MYO7A: variants seen among roughly 807,000 people sequenced by gnomAD.
MYO7A encodes the protein myosin VIIA.
In MYO7A, 210 loss-of-function variants were observed where a neutral mutation model predicts 263.8. The ratio of observed to expected loss-of-function variants is 0.80; its 90% CI spans 0.71 to 0.89. MYO7A has a LOEUF of 0.89. Ranked by LOEUF, MYO7A falls within the 40% of genes least tolerant of loss-of-function variation. The pLI is 0.00. For synonymous variants in MYO7A, 1,239 were observed against 1,197.3 expected, an observed-to-expected ratio of 1.03 and a Z score of -0.72; for missense variants, 2,820 against 2,968.3, an observed-to-expected ratio of 0.95 and a Z score of 1.16.
intron 17 of MYO7A, 117 bp from the exon 18 acceptor site, chr11:77,175,255 A>T: frequency 1.1e-6 from 1 of 935,864 alleles, no homozygotes; most frequent in Non-Finnish European, 1.6e-6. Flanking sequence ...CTGAGGTCAC[A>T]CTTCGAGTCA....
chr11:77,179,078 A>G lies in MYO7A; in HGVS notation c.2316A>G (p.Thr772=), dbSNP rs369466539. ...SNFLKLKNAA[T]LIQRHWRGHN... is the part of the protein sequence containing the mutation. ...TTCTGAAGCTGAAGAACGCTGCCAC[A>G]CTGATCCAGAGGCACTGGCGGGGTC... Residue 772 remains threonine, a synonymous_variant, in exon 20 of 49, where the codon ACA becomes ACG. Transcript: ENST00000409709. 139 of 1,609,268 alleles carry G rather than the reference A, an allele frequency of 8.6e-5. No homozygotes were observed. Among genetic ancestry groups the G allele is most frequent in the Non-Finnish European group, 1.1e-4 (129 of 1,178,468 alleles).
At chr11:77,179,539 GT>G (rs1954983470) in intron 20 of MYO7A, among the ~76,000 whole-genome samples, 195 bp from the exon 21 acceptor site, 2 of 152,212 alleles carry the variant, frequency 1.3e-5, no homozygotes, top group Admixed American at 1.3e-4. Context: ...GAGAGTCAAG[GT>G]CACCTAAAAA....
At chr11:77,157,486 C>A in intron 8 of MYO7A, 94 bp downstream of exon 8, 1 of 818,342 alleles carries the variant, frequency 1.2e-6, no homozygotes, top group South Asian at 1.7e-5. Context: ...TCTCACTGGT[C>A]ACAGGGCTCA....
Position 77,138,698 on chromosome 11 carries a change from A to G in MYO7A, c.19-4011A>G, listed in dbSNP as rs529971581. On this transcript the variant is annotated intron_variant, in intron 2 of 48. Transcript: ENST00000409709. This position sits in a 1 kb window ranked among gnomAD's most constrained non-coding sequence, Gnocchi z 4.9. ...GTGTCCTGCATTTGCTGAGATCCAG[A>G]GCAGGGAGCACCTCCAGGTGCACAG... Among the ~76,000 whole-genome samples the G allele has an allele frequency of 1.1e-4, 16 of 152,286 alleles. No individual in the cohort carries two copies. The highest frequency in any genetic ancestry group is 1.6e-4 in the Non-Finnish European group (11 of 68,000).
intron 18 of MYO7A, among the ~76,000 whole-genome samples, chr11:77,175,800 T>G (rs1954604731): frequency 1.3e-5 from 2 of 152,170 alleles, no homozygotes; most frequent in Admixed American, 6.5e-5. Context: ...CATCTGTAAA[T>G]TGGGGTGTGC....
chr11:77,207,170 C>A, intron 41 of MYO7A, 119 bp from the exon 42 acceptor site: 1 of 652,846 alleles, frequency 1.5e-6, no homozygotes, highest in South Asian at 1.9e-5. Context: ...GCTCTGTGCC[C>A]ACAGGAGGGT....
At chr11:77,212,720 G>T in intron 46 of MYO7A, 1 of 587,052 alleles carries the variant, frequency 1.7e-6, no homozygotes. Flanking sequence ...GAGGCCCTTG[G>T]GCTGAGAGGG....
At chr11:77,163,995 C>G (rs1187775825) in intron 14 of MYO7A, among the ~76,000 whole-genome samples, 1 of 152,138 alleles carries the variant, frequency 6.6e-6, no homozygotes, top group African/African-American at 2.4e-5. Context: ...GGGGGCTTGA[C>G]TGTCCTTACC....
At chr11:77,159,412 C>A in intron 9 of MYO7A, 35 bp from the exon 10 acceptor site, 3 of 1,202,716 alleles carry the variant, frequency 2.5e-6, no homozygotes, top group Non-Finnish European at 3.7e-6. Context: ...TGCCCACCCT[C>A]CCTCCCCTGA....
At chr11:77,157,617 C>T (rs967086799) in intron 8 of MYO7A, among the ~76,000 whole-genome samples, 2 of 152,112 alleles carry the variant, frequency 1.3e-5, no homozygotes, top group Non-Finnish European at 2.9e-5. Flanking sequence ...GCTTGGGAAG[C>T]ACCACTCCTT....
chr11:77,201,443 T>C lies in MYO7A; in HGVS notation c.4853-5T>C. The C allele has an allele frequency of 6.2e-7, 1 of 1,612,882 alleles. No individual in the cohort carries two copies. ...CCCATGGTCCCACTCACCTCTGCTCTACAGCAGGCGAGGAGTCAGGCTTCC... is the reference window on the plus strand; with the variant it reads ...CCCATGGTCCCACTCACCTCTGCTCCACAGCAGGCGAGGAGTCAGGCTTCC... On this transcript the variant is annotated splice_polypyrimidine_tract_variant and splice_region_variant and intron_variant, in intron 35 of 48. Coordinates refer to ENST00000409709, the MANE Select transcript of MYO7A (RefSeq NM_000260.4).
chr11:77,152,148 G>A (rs930751448), intron 4 of MYO7A, among the ~76,000 whole-genome samples: 1 of 152,256 alleles, frequency 6.6e-6, no homozygotes, highest in Non-Finnish European at 1.5e-5. Context: ...CCTCACCGAG[G>A]AAAGAGGCCT....
intron 20 of MYO7A, among the ~76,000 whole-genome samples, 184 bp downstream of exon 20, chr11:77,179,313 C>A (rs1954952246): frequency 6.6e-6 from 1 of 152,248 alleles, no homozygotes; most frequent in Admixed American, 6.5e-5. Flanking sequence ...GTGGCTTCTT[C>A]CAACTGGCCA....
rs797044511 is a variant in MYO7A, at chr11:77,160,980, A to T, written c.1208A>T (p.Tyr403Phe). The change falls in exon 12 of 49, where the codon TAC (tyrosine) becomes TTC (phenylalanine). Residue 403 changes from tyrosine to phenylalanine, a missense_variant. Coordinates refer to ENST00000409709, the MANE Select transcript of MYO7A (RefSeq NM_000260.4). ...CTGATCACTGCCTTTCAGGGGATCTACGGGCGGCTGTTCGTGTGGATTGTG... is the reference window on the plus strand; with the variant it reads ...CTGATCACTGCCTTTCAGGGGATCTTCGGGCGGCTGTTCGTGTGGATTGTG... ...DVRDAFVKGI[Y>F]GRLFVWIVDK... is the part of the protein sequence containing the mutation. The T allele has an allele frequency of 6.2e-7, 1 of 1,602,568 alleles. No individual in the cohort carries two copies. Among genetic ancestry groups the T allele is most frequent in the South Asian group, 1.1e-5 (1 of 88,798 alleles).
chr11:77,181,805 G>A (rs1288389197), intron 23 of MYO7A, 146 bp from the exon 24 acceptor site: 79 of 485,090 alleles, frequency 1.6e-4, no homozygotes, highest in Non-Finnish European at 1.6e-4. Flanking sequence ...TTTTTTTTGA[G>A]ATGGGGTCGT....
At chr11:77,176,568 G>A (rs2135440095) in intron 18 of MYO7A, among the ~76,000 whole-genome samples, 1 of 152,352 alleles carries the variant, frequency 6.6e-6, no homozygotes, top group African/African-American at 2.4e-5. Flanking sequence ...GGGGAAGGCA[G>A]GAATCATGAT....
intron 26 of MYO7A, among the ~76,000 whole-genome samples, chr11:77,184,146 G>A (rs554732728): frequency 6.6e-5 from 10 of 152,264 alleles, no homozygotes; most frequent in Non-Finnish European, 1.0e-4. Context: ...TGGTCACATC[G>A]GGGCTAAGGG....
rs1455741859 is a variant in MYO7A at position 77,192,090 on chromosome 11, G to A, written c.3964G>A (p.Ala1322Thr). Residue 1322 changes from alanine (A) to threonine (T), a missense_variant, in exon 31 of 49, where the codon GCC becomes ACC. Physicochemically the swap from Ala to Thr is moderately conservative, Grantham distance 58 (BLOSUM62 0). Coordinates refer to ENST00000409709, the MANE Select transcript of MYO7A (RefSeq NM_000260.4). ...LGSGSDHVMD[A>T]ISQCEQYAKE... is the part of the protein sequence containing the mutation. ...CAGCGGCAGTGACCACGTCATGGAC[G>A]CCATCTCCCAGTGCGAGCAGTACGC... 2.5e-6 allele frequency: 4 copies of A among 1,613,666 alleles called. No individual in the cohort carries two copies. The highest frequency in any genetic ancestry group is 1.7e-5 in the Admixed American group (1 of 60,002).
intron 26 of MYO7A, among the ~76,000 whole-genome samples, chr11:77,184,237 C>A (rs118159726): frequency 0.016 from 2,508 of 152,184 alleles, 37 homozygotes; most frequent in Middle Eastern, 0.031. Context: ...GCGGGGGCAC[C>A]CCAGAGAGAT....
Sources: gnomAD v4.1 joint callset for allele counts (sites outside exome capture counted in the v4.1 genomes callset) on GRCh38, gnomAD v4.1.1 for gene constraint, Gnocchi (gnomAD v3.1) non-coding constraint, MANE v1.5 for transcripts, NCBI Gene and HGNC (gene_info 2026-07-23, HGNC 2026-07-21) for gene names.